Variants in BMERB1 observed in about 807,000 individuals in gnomAD.
BMERB1 encodes bMERB domain-containing protein 1.
Under a neutral mutation model 23.6 loss-of-function variants are expected in BMERB1, and 12 were observed. The ratio of observed to expected loss-of-function variants is 0.51; its 90% CI spans 0.33 to 0.82. The LOEUF (loss-of-function observed/expected upper bound fraction) is 0.82, where lower values mean the gene tolerates loss of function less well. BMERB1 is among the 40% of genes least tolerant of loss of function. The pLI is 0.03. For synonymous variants in BMERB1, 122 were observed against 96.6 expected, an observed-to-expected ratio of 1.26 and a Z score of -1.54; for missense variants, 247 against 255.4, an observed-to-expected ratio of 0.97 and a Z score of 0.22.
At chr16:15,454,208 G>T (rs1260540747) in intron 1 of BMERB1, among the ~76,000 whole-genome samples, 1 of 152,188 alleles carries the variant, frequency 6.6e-6, no homozygotes, top group Non-Finnish European at 1.5e-5. Flanking sequence ...AATAATGTTG[G>T]ACAAATTAGA....
intron 3 of BMERB1, among the ~76,000 whole-genome samples, chr16:15,569,633 G>A (rs1482736596): frequency 6.6e-6 from 1 of 152,076 alleles, no homozygotes; most frequent in African/African-American, 2.4e-5. Context: ...GATTGGTTGG[G>A]GATGCAATCA....
rs200309169 is a variant in BMERB1 at position 15,563,229 on chromosome 16, C to T, written c.231-4754C>T. 1.1e-4 allele frequency among the ~76,000 whole-genome samples: 16 copies of T among 152,018 alleles called. No individual in the cohort carries two copies. The East Asian group carries it at 2.5e-3, about 24-fold the overall frequency. ...TAACTCTATCTCTATTATAAAGAAA[C>T]AAAAAAATTTTTTTTTGGGACGGAG... On this transcript the variant is annotated intron_variant, in intron 2 of 5. Transcript: ENST00000300006.
At chr16:15,498,432 G>A (rs2051496193) in intron 1 of BMERB1, among the ~76,000 whole-genome samples, 2 of 152,114 alleles carry the variant, frequency 1.3e-5, no homozygotes, top group East Asian at 1.9e-4. Flanking sequence ...GCTGAAGTGG[G>A]AGGATTGCTT....
rs1162863929 is a variant in BMERB1, at chr16:15,524,642, C to T, written c.230+9214C>T. Among the ~76,000 whole-genome samples, 10 of 152,198 alleles carry T rather than the reference C, an allele frequency of 6.6e-5. No individual in the cohort carries two copies. In the East Asian group the frequency reaches 1.9e-3, roughly 29 times the overall value. On this transcript the variant is annotated intron_variant, in intron 2 of 5. Transcript: ENST00000300006. ...AAAATTAGCTAGGCATGGTGGTGTG[C>T]ACCTGAAATCCCAGCTACTCGAGAG...
chr16:15,441,385 T>TA (rs869050368), intron 1 of BMERB1, among the ~76,000 whole-genome samples: 327 of 141,900 alleles, frequency 2.3e-3, no homozygotes, highest in Middle Eastern at 3.6e-3. Context: ...TAGAGCCCAT[T>TA]AAAAAAAAAA....
intron 2 of BMERB1, among the ~76,000 whole-genome samples, chr16:15,539,865 AAG>A (rs999743167): frequency 6.6e-6 from 1 of 151,984 alleles, no homozygotes; most frequent in Non-Finnish European, 1.5e-5. Context: ...GAAAAAGAAA[AAG>A]AATTTATTTT....
intron 4 of BMERB1, among the ~76,000 whole-genome samples, chr16:15,582,953 T>C (rs1318008018): frequency 6.6e-6 from 1 of 152,158 alleles, no homozygotes; most frequent in African/African-American, 2.4e-5. Flanking sequence ...GGTAAGCATT[T>C]ACCCCATCAT....
In BMERB1 at chr16:15,586,931, G is replaced by A; in HGVS notation, c.*102G>A. The A allele has an allele frequency of 3.8e-6, 3 of 799,446 alleles. No individual in the cohort carries two copies. Among genetic ancestry groups the A allele is most frequent in the Non-Finnish European group, 5.9e-6 (3 of 504,732 alleles). 49.5% of individuals were successfully genotyped at this position (799,446 alleles called of 1,614,324 possible). The stretch of plus-strand genomic sequence containing the variant: ...CCAAGAGCTCTCCAAGGCAGAAGGG[G>A]TTGAAGGCAAGCCCGTGACTGTCAC... On this transcript the variant is annotated 3_prime_UTR_variant, in exon 6 of 6. Coordinates refer to ENST00000300006, the MANE Select transcript of BMERB1 (RefSeq NM_033201.3).
chr16:15,467,986 A>G (rs995333243), intron 1 of BMERB1, among the ~76,000 whole-genome samples: 11 of 152,094 alleles, frequency 7.2e-5, no homozygotes, highest in Admixed American at 7.2e-4. Context: ...ATAGAAAGGA[A>G]TGTCTGGGTT....
At chr16:15,508,936 C>T (rs1451054622) in intron 1 of BMERB1, among the ~76,000 whole-genome samples, 1 of 151,628 alleles carries the variant, frequency 6.6e-6, no homozygotes, top group East Asian at 1.9e-4. Flanking sequence ...GTATCTGATT[C>T]AAGCTTTAGG....
At chr16:15,466,511 G>A (rs1386503594) in intron 1 of BMERB1, among the ~76,000 whole-genome samples, 2 of 151,868 alleles carry the variant, frequency 1.3e-5, no homozygotes, top group Admixed American at 6.6e-5. Flanking sequence ...TCAGCTTGTG[G>A]CCTGTCTTTT....
chr16:15,506,225 G>A (rs2051589741), intron 1 of BMERB1, among the ~76,000 whole-genome samples: 1 of 151,690 alleles, frequency 6.6e-6, no homozygotes, highest in Non-Finnish European at 1.5e-5. Context: ...ACCCAGGCTG[G>A]AGTGCCGCGG....
chr16:15,549,865 C>T (rs1402209697), intron 2 of BMERB1, among the ~76,000 whole-genome samples: 1 of 152,016 alleles, frequency 6.6e-6, no homozygotes, highest in East Asian at 1.9e-4. Flanking sequence ...ACACTTTCCA[C>T]AAAATTGGGA....
At chr16:15,574,739 T>C (rs1341434802) in intron 3 of BMERB1, among the ~76,000 whole-genome samples, 1 of 152,118 alleles carries the variant, frequency 6.6e-6, no homozygotes, top group Non-Finnish European at 1.5e-5. Context: ...GATTGAAAGA[T>C]TTTCTAATTT....
intron 2 of BMERB1, among the ~76,000 whole-genome samples, chr16:15,522,143 G>A (rs912556271): frequency 6.6e-5 from 10 of 152,046 alleles, no homozygotes; most frequent in Non-Finnish European, 1.2e-4. Context: ...TTTTACACCC[G>A]CTTGCTGGAT....
intron 1 of BMERB1, among the ~76,000 whole-genome samples, chr16:15,485,036 A>G (rs2051356145): frequency 6.6e-6 from 1 of 152,224 alleles, no homozygotes; most frequent in Admixed American, 6.5e-5. Flanking sequence ...CAGTGGCTCT[A>G]AGCTTACATT....
chr16:15,528,084 C>T (rs1048765422), intron 2 of BMERB1, among the ~76,000 whole-genome samples: 8 of 152,134 alleles, frequency 5.3e-5, no homozygotes, highest in African/African-American at 1.9e-4. Flanking sequence ...TAAACACTGT[C>T]TTAGTCCGTT....
chr16:15,559,704 C>G (rs961540884), intron 2 of BMERB1, among the ~76,000 whole-genome samples: 3 of 152,170 alleles, frequency 2.0e-5, no homozygotes, highest in Non-Finnish European at 2.9e-5. Context: ...GAATGGACAC[C>G]TAACCCTGAT....
At chr16:15,576,684 A>C (rs566050700) in intron 3 of BMERB1, among the ~76,000 whole-genome samples, 4 of 152,156 alleles carry the variant, frequency 2.6e-5, no homozygotes, top group Admixed American at 6.5e-5. Flanking sequence ...CGAGGTGTCA[A>C]CAGGGCCTTG....
Sources: gnomAD v4.1 joint callset for allele counts (sites outside exome capture counted in the v4.1 genomes callset) on GRCh38, gnomAD v4.1.1 for gene constraint, MANE v1.5 for transcripts, NCBI Gene and HGNC (gene_info 2026-07-23, HGNC 2026-07-21) for gene names.